The following USP37 variants were observed in gnomAD, a reference collection of about 807,000 sequenced individuals.
USP37 encodes the protein ubiquitin specific peptidase 37.
USP37 carries 27 observed loss-of-function variants against 124.0 expected under a neutral mutation model. The observed-to-expected ratio is 0.22, with a 90% CI of 0.16 to 0.30. The LOEUF (loss-of-function observed/expected upper bound fraction) is 0.30, where lower values mean the gene tolerates loss of function less well. USP37 is among the 10% of genes least tolerant of loss of function. The pLI is 1.00. For synonymous variants in USP37, 365 were observed against 388.0 expected, an observed-to-expected ratio of 0.94 and a Z score of 0.70; for missense variants, 889 against 1,140.4, an observed-to-expected ratio of 0.78 and a Z score of 3.17.
At chr2:218,563,981 G>C (rs1357784701) in intron 1 of USP37, among the ~76,000 whole-genome samples, 1 of 152,156 alleles carries the variant, frequency 6.6e-6, no homozygotes, top group African/African-American at 2.4e-5. Context: ...TGAGGCAGGA[G>C]AGTCATTTGA....
Position 218,511,146 on chromosome 2 carries a change from C to CT in USP37, c.864-1007dup, listed in dbSNP as rs532510107. Among the ~76,000 whole-genome samples, 942 of 147,016 alleles carry CT rather than the reference C, an allele frequency of 6.4e-3. 6 individuals are homozygous for CT. Among genetic ancestry groups the CT allele is most frequent in the African/African-American group, 0.017 (706 of 40,368 alleles). On this transcript the variant is annotated intron_variant, in intron 10 of 25. Transcript: ENST00000258399. ...TGAATTGCTTTCCTATAGAGTAGGT[C>CT]TTTTTTTTTTTGAGACAAAGTCTTG...
chr2:218,545,118 T>C lies in USP37; in HGVS notation c.680+1103A>G, dbSNP rs111778193. Among the ~76,000 whole-genome samples the C allele has an allele frequency of 3.9e-4, 60 of 152,314 alleles. 1 individual carries two copies. The highest frequency in any genetic ancestry group is 6.8e-3 in the Middle Eastern group (2 of 294). ...AGAATAGTGAACTGGGTTATTTCAG[T>C]GGCTGTAGGGGCAAACTAAGGCAGA... On this transcript the variant is annotated intron_variant, in intron 8 of 25. Coordinates refer to ENST00000258399, the MANE Select transcript of USP37 (RefSeq NM_020935.3).
At chr2:218,534,240 G>A (rs1449050548) in intron 9 of USP37, among the ~76,000 whole-genome samples, 1 of 152,224 alleles carries the variant, frequency 6.6e-6, no homozygotes, top group African/African-American at 2.4e-5. Context: ...TGTAATCCCA[G>A]CACTTTAGGA....
intron 11 of USP37, among the ~76,000 whole-genome samples, chr2:218,507,923 T>C (rs936933273): frequency 6.6e-6 from 1 of 152,188 alleles, no homozygotes; most frequent in Admixed American, 6.5e-5. Context: ...CTACTTATTA[T>C]TGGATTTTAT....
At position 218,453,189 on chromosome 2, in the gene USP37, G is replaced by C. The variant is rs1689535871; in HGVS notation, c.*1741C>G. The C allele has an allele frequency of 1.3e-5, 2 of 151,994 alleles. No homozygotes were observed. Among genetic ancestry groups the C allele is most frequent in the African/African-American group, 2.4e-5 (1 of 41,384 alleles). 9.4% of individuals were successfully genotyped at this position (151,994 alleles called of 1,614,324 possible). On this transcript the variant is annotated 3_prime_UTR_variant, in exon 26 of 26. Transcript: ENST00000258399. ...CATCCAAGTTCCAAGAGTAGGACTG[G>C]AGCTCTCTTAAGGCAATCTTTCAGA...
At chr2:218,496,287 C>T (rs914795631) in intron 13 of USP37, among the ~76,000 whole-genome samples, 4 of 150,920 alleles carry the variant, frequency 2.7e-5, no homozygotes, top group Non-Finnish European at 4.4e-5. Context: ...AGCAAGATTC[C>T]GTCTCAAAAG....
chr2:218,525,428 G>A (rs759418611), intron 10 of USP37, among the ~76,000 whole-genome samples: 1 of 152,206 alleles, frequency 6.6e-6, no homozygotes, highest in Non-Finnish European at 1.5e-5. Context: ...AGGCTGCAGT[G>A]AGCCATGATT....
intron 11 of USP37, among the ~76,000 whole-genome samples, chr2:218,506,286 C>CTT (rs60620765): frequency 2.2e-4 from 16 of 72,622 alleles, no homozygotes; most frequent in African/African-American, 7.3e-4. Context: ...TTCTTTCTGG[C>CTT]TTTTTTTTTT....
chr2:218,525,445 C>A, intron 10 of USP37, among the ~76,000 whole-genome samples: 1 of 152,188 alleles, frequency 6.6e-6, no homozygotes, highest in African/African-American at 2.4e-5. Flanking sequence ...GATTATGCCA[C>A]TACACTCCAG....
At chr2:218,530,925 G>A (rs1486195789) in intron 9 of USP37, among the ~76,000 whole-genome samples, 1 of 152,156 alleles carries the variant, frequency 6.6e-6, no homozygotes, top group Non-Finnish European at 1.5e-5. Flanking sequence ...TATAAAGGCT[G>A]AGAGAAGCAG....
At chr2:218,535,226 T>C (rs1008641446) in intron 8 of USP37, among the ~76,000 whole-genome samples, 9 of 150,872 alleles carry the variant, frequency 6.0e-5, no homozygotes, top group African/African-American at 2.0e-4. Context: ...TAGCCAAGCA[T>C]GGTGGCGCGT....
chr2:218,488,456 A>G (rs1258071828), intron 14 of USP37, 35 bp from the exon 15 acceptor site: 2 of 1,405,220 alleles, frequency 1.4e-6, no homozygotes, highest in Non-Finnish European at 2.0e-6. Context: ...AAGCATTTAG[A>G]CCAATACACA....
At chr2:218,462,996 C>T (rs888188367) in intron 22 of USP37, among the ~76,000 whole-genome samples, 4 of 151,874 alleles carry the variant, frequency 2.6e-5, no homozygotes, top group East Asian at 1.9e-4. Flanking sequence ...GGTGAAACCC[C>T]GTCTCTACTG....
chr2:218,559,141 T>C (rs907480231), intron 3 of USP37, among the ~76,000 whole-genome samples: 12 of 151,766 alleles, frequency 7.9e-5, no homozygotes, highest in African/African-American at 2.7e-4. Context: ...GCTCTATCGC[T>C]ACAAAAAAAC....
intron 10 of USP37, among the ~76,000 whole-genome samples, chr2:218,511,422 C>T (rs1689988097): frequency 6.6e-6 from 1 of 152,214 alleles, no homozygotes; most frequent in African/African-American, 2.4e-5. Flanking sequence ...GATTCTCCTG[C>T]CTCAGGCTCC....
rs910307334 is a variant in USP37 at position 218,451,823 on chromosome 2, A to G, written c.*3107T>C. The G allele has an allele frequency of 2.0e-5, 3 of 152,666 alleles. No individual in the cohort carries two copies. The highest frequency in any genetic ancestry group is 4.4e-5 in the Non-Finnish European group (3 of 68,028). The allele number at this position is 152,666 out of a possible 1,614,324, so 9.5% of individuals were successfully genotyped here. A position where few individuals can be genotyped will look rare whatever the true frequency, so the allele number is the denominator to read the frequency against. On this transcript the variant is annotated 3_prime_UTR_variant, in exon 26 of 26. Coordinates refer to ENST00000258399, the MANE Select transcript of USP37 (RefSeq NM_020935.3). Reference sequence around the variant, plus strand: ...CATATTTACATTTGTTGTATTTGTTATTGAGCCTTTAAGGTTAGGCCCAGA... The same window carrying G: ...CATATTTACATTTGTTGTATTTGTTGTTGAGCCTTTAAGGTTAGGCCCAGA...
rs746385899 is a variant in USP37 at position 218,497,855 on chromosome 2, C to T, written c.1160G>A (p.Arg387His). 6.2e-7 allele frequency: 1 copy of T among 1,611,824 alleles called. No homozygotes were observed. The highest frequency in any genetic ancestry group is 8.5e-7 in the Non-Finnish European group (1 of 1,179,384). The change falls in exon 13 of 26, where the codon CGC (arginine) becomes CAC (histidine). Residue 387 changes from arginine (R) to histidine (H), a missense_variant and splice_region_variant. Arg to His is a conservative substitution (Grantham distance 29, BLOSUM62 0). This residue lies in a region of USP37 where 504 missense variants were observed against 714.3 expected (regional missense o/e 0.71). Transcript: ENST00000258399. ...TTTTTTAACAAGCAAGTGTGCAAAGCGTCTAGTAAAACAAAAAACACAAAG... is the reference window on the plus strand; with the variant it reads ...TTTTTTAACAAGCAAGTGTGCAAAGTGTCTAGTAAAACAAAAAACACAAAG... ...KKIPLNALIR[R>H]FAHLLVKKDI...
At chr2:218,459,020 G>A (rs1451251094) in intron 23 of USP37, among the ~76,000 whole-genome samples, 1 of 151,620 alleles carries the variant, frequency 6.6e-6, no homozygotes, top group Non-Finnish European at 1.5e-5. Flanking sequence ...TAGGATGGTA[G>A]GATCCTGGAT....
At chr2:218,513,274 T>A (rs796168303) in intron 10 of USP37, among the ~76,000 whole-genome samples, 21 of 152,208 alleles carry the variant, frequency 1.4e-4, no homozygotes, top group African/African-American at 5.1e-4. Context: ...CAAGTGATAC[T>A]CTCATCCTGG....
Sources: gnomAD v4.1 joint callset for allele counts (sites outside exome capture counted in the v4.1 genomes callset) on GRCh38, gnomAD v4.1.1 for gene constraint, gnomAD v4.1.1 regional missense constraint, MANE v1.5 for transcripts, NCBI Gene and HGNC (gene_info 2026-07-23, HGNC 2026-07-21) for gene names.